CHL1: variants seen among roughly 807,000 people sequenced by gnomAD.
CHL1 encodes the protein cell adhesion molecule L1 like.
CHL1 carries 96 observed loss-of-function variants against 141.9 expected under a neutral mutation model. That is an observed-to-expected ratio of 0.68 (90% CI 0.57 to 0.80). The LOEUF is 0.80. CHL1 is among the 30% of genes least tolerant of loss of function. CHL1 has a pLI of 0.00. For missense variants in CHL1, 1,820 were observed against 1,457.2 expected (o/e 1.25, Z -4.05); for synonymous variants, 613 against 502.2 (o/e 1.22, Z -2.95).
At chr3:400,746 G>A (rs945743807) in intron 26 of CHL1, among the ~76,000 whole-genome samples, 1 of 151,860 alleles carries the variant, frequency 6.6e-6, no homozygotes, top group East Asian at 1.9e-4. Context: ...AGGTTGCAGT[G>A]AGCCGAGATC....
intron 3 of CHL1, among the ~76,000 whole-genome samples, chr3:322,278 G>C (rs1038846684): frequency 6.7e-6 from 1 of 149,740 alleles, no homozygotes; most frequent in Non-Finnish European, 1.5e-5. Context: ...TCACTTATCA[G>C]ATTTATCGGG....
At chr3:248,895 G>A (rs1346427398) in intron 2 of CHL1, among the ~76,000 whole-genome samples, 1 of 152,146 alleles carries the variant, frequency 6.6e-6, no homozygotes, top group Non-Finnish European at 1.5e-5. Context: ...TGTTCAAGTA[G>A]CAACATGACA....
At chr3:350,343 C>A (rs903208308) in intron 10 of CHL1, among the ~76,000 whole-genome samples, 2 of 152,106 alleles carry the variant, frequency 1.3e-5, no homozygotes, top group African/African-American at 2.4e-5. Flanking sequence ...GTGATTGACA[C>A]AGACTATTTT....
chr3:197,919 G>A lies in CHL1; in HGVS notation c.-175+856G>A, dbSNP rs763349997. 2.2e-5 allele frequency: 9 copies of A among 411,466 alleles called. 1 individual carries two copies. Among genetic ancestry groups the A allele is most frequent in the South Asian group, 1.5e-4 (9 of 58,152 alleles). The allele number at this position is 411,466 out of a possible 1,614,324, so 25.5% of individuals were successfully genotyped here. ...TGAGTGTGCGTGGGGAGGCAGCACG[G>A]AGAAAGTGATTAATTTGGGGAGCAG... On this transcript the variant is annotated intron_variant, in intron 1 of 27. Transcript: ENST00000256509.
chr3:266,011 A>G (rs1172966178), intron 2 of CHL1, among the ~76,000 whole-genome samples: 1 of 152,228 alleles, frequency 6.6e-6, no homozygotes, highest in African/African-American at 2.4e-5. Context: ...CTAACCCACT[A>G]GGGACAGATG....
chr3:317,552 T>C (rs1700236333), intron 2 of CHL1, among the ~76,000 whole-genome samples: 1 of 151,656 alleles, frequency 6.6e-6, no homozygotes, highest in South Asian at 2.1e-4. Flanking sequence ...GCCATCAGCA[T>C]TGAAAACTAA....
chr3:216,989 T>G (rs1700376323), intron 1 of CHL1, among the ~76,000 whole-genome samples: 1 of 152,190 alleles, frequency 6.6e-6, no homozygotes, highest in Non-Finnish European at 1.5e-5. Context: ...CAACCTTTTG[T>G]GCTCAGTCTG....
rs546167892 is a variant in CHL1 at position 339,593 on chromosome 3, A to G, written c.386-1201A>G. The stretch of plus-strand genomic sequence containing the variant: ...ATTGCAAAGGCAGTGTAATAGCCAC[A>G]CCGCCCCCTGCAATGTTAAGCCTTG... On this transcript the variant is annotated intron_variant, in intron 5 of 27. Transcript: ENST00000256509. Among the ~76,000 whole-genome samples the G allele has an allele frequency of 2.0e-5, 3 of 152,298 alleles. No homozygotes were observed. In the South Asian group the frequency reaches 6.2e-4, roughly 32 times the overall value.
intron 2 of CHL1, 69 bp from the exon 3 acceptor site, chr3:319,613 AG>A: frequency 4.1e-6 from 2 of 492,108 alleles, no homozygotes; most frequent in East Asian, 3.5e-5. Flanking sequence ...AAAAAAAAGA[AG>A]GTATTTAATT....
At chr3:293,090 A>T (rs754392002) in intron 2 of CHL1, among the ~76,000 whole-genome samples, 28 of 152,262 alleles carry the variant, frequency 1.8e-4, no homozygotes, top group Non-Finnish European at 3.7e-4. Context: ...TTATTTGGAT[A>T]TAAATACATA....
intron 2 of CHL1, among the ~76,000 whole-genome samples, chr3:276,832 A>T (rs1032992603): frequency 3.4e-4 from 49 of 144,670 alleles, no homozygotes; most frequent in African/African-American, 1.0e-3. Flanking sequence ...GAGGTTGCAG[A>T]GAGCCGAGAT....
chr3:375,890 AG>A (rs1421426286), intron 15 of CHL1, among the ~76,000 whole-genome samples: 2 of 152,196 alleles, frequency 1.3e-5, no homozygotes, highest in African/African-American at 4.8e-5. Context: ...TAGTGCCTTC[AG>A]GGAAACACGG....
At position 391,750 on chromosome 3, in the gene CHL1, A is replaced by G. The variant is rs769897864; in HGVS notation, c.2867A>G (p.Lys956Arg). ...DTATLSWGLP[K>R]KLNGNLTGYL... is the part of the protein sequence containing the mutation. ...GCCACTTTATCTTGGGGACTACCTA[A>G]GAAATTAAATGGAAACTTAACTGGC... The change falls in exon 23 of 28, where the codon AAG becomes AGG. Residue 956 changes from lysine (K) to arginine (R), a missense_variant. Lys to Arg is a conservative substitution (Grantham distance 26, BLOSUM62 2). Coordinates refer to ENST00000256509, the MANE Select transcript of CHL1 (RefSeq NM_006614.4). 3.1e-6 allele frequency: 5 copies of G among 1,602,696 alleles called. No individual in the cohort carries two copies. The East Asian group carries it at 1.1e-4, about 36-fold the overall frequency.
intron 2 of CHL1, among the ~76,000 whole-genome samples, chr3:257,079 G>C (rs2125169871): frequency 6.6e-6 from 1 of 152,170 alleles, no homozygotes; most frequent in East Asian, 1.9e-4. Flanking sequence ...ATCTTTAGTG[G>C]TATGGCTTCA....
At chr3:264,331 A>T (rs921470444) in intron 2 of CHL1, among the ~76,000 whole-genome samples, 1 of 152,164 alleles carries the variant, frequency 6.6e-6, no homozygotes, top group African/African-American at 2.4e-5. Flanking sequence ...TAGATCCTCT[A>T]TTCTGTATTC....
At chr3:381,924 T>G (rs773511215) in intron 16 of CHL1, among the ~76,000 whole-genome samples, 1 of 151,820 alleles carries the variant, frequency 6.6e-6, no homozygotes, top group South Asian at 2.1e-4. Context: ...CCAGCTTCCT[T>G]GGCTATTGTT....
intron 11 of CHL1, among the ~76,000 whole-genome samples, chr3:355,108 G>A (rs1559300412): frequency 6.6e-6 from 1 of 152,178 alleles, no homozygotes; most frequent in African/African-American, 2.4e-5. Flanking sequence ...AAACAGAACA[G>A]TAGCCTAGCA....
At chr3:226,738 C>A (rs1168904187) in intron 1 of CHL1, among the ~76,000 whole-genome samples, 1 of 152,108 alleles carries the variant, frequency 6.6e-6, no homozygotes, top group African/African-American at 2.4e-5. Flanking sequence ...TAAGCCACCG[C>A]GCCCGACCTG....
intron 2 of CHL1, among the ~76,000 whole-genome samples, chr3:254,614 G>A (rs1165133258): frequency 1.3e-5 from 2 of 152,280 alleles, no homozygotes; most frequent in South Asian, 4.1e-4. Context: ...GAATACCACA[G>A]ACTGGATACC....
Sources: allele counts gnomAD v4.1 joint callset (sites outside exome capture counted in the v4.1 genomes callset), GRCh38; gene constraint gnomAD v4.1.1; transcripts MANE v1.5; gene names NCBI Gene and HGNC (gene_info 2026-07-23, HGNC 2026-07-21).